Variants in ME2 observed in about 807,000 individuals in gnomAD.
ME2 encodes NAD-dependent malic enzyme, mitochondrial.
In ME2, 60 loss-of-function variants were observed where a neutral mutation model predicts 73.7. That is an observed-to-expected ratio of 0.81 (90% CI 0.66 to 1.01). ME2 has a LOEUF of 1.01. Ranked by LOEUF, ME2 falls within the 50% of genes least tolerant of loss-of-function variation. ME2 has a pLI of 0.00. For synonymous variants in ME2, 199 were observed against 236.9 expected (o/e 0.84, Z 1.47); for missense variants, 594 against 705.5 (o/e 0.84, Z 1.79).
intron 15 of ME2, 93 bp downstream of exon 15, chr18:50,940,479 G>A: frequency 1.1e-6 from 1 of 878,736 alleles, no homozygotes; most frequent in Non-Finnish European, 1.8e-6. Context: ...GAAACATTTA[G>A]AAGGCTGCAA....
At chr18:50,879,855 A>G (rs1279288832) in intron 1 of ME2, among the ~76,000 whole-genome samples, 1 of 152,130 alleles carries the variant, frequency 6.6e-6, no homozygotes, top group Non-Finnish European at 1.5e-5. Context: ...GTGGACCGGG[A>G]TTGGCAGGTG....
chr18:50,908,254 G>T, intron 3 of ME2, 58 bp downstream of exon 3: 2 of 1,277,534 alleles, frequency 1.6e-6, no homozygotes, highest in Non-Finnish European at 2.1e-6. Context: ...AAACTTATGA[G>T]CATTATGGTT....
Position 50,947,350 on chromosome 18 carries a change from TTGATTGATTGCATTGCCCACCAGC to T in ME2, c.*167_*190del. ...CTCCACATCTGTTGGGGTAGACGTG[TTGATTGATTGCATTGCCCACCAGC>T]ACCCTACAGTCAGATAGTTGTGATG... On this transcript the variant is annotated 3_prime_UTR_variant, in exon 16 of 16. Coordinates refer to ENST00000321341, the MANE Select transcript of ME2 (RefSeq NM_002396.5). 4.8e-6 allele frequency: 3 copies of T among 625,366 alleles called. No individual in the cohort carries two copies. Among genetic ancestry groups the T allele is most frequent in the Non-Finnish European group, 5.5e-6 (2 of 363,614 alleles). The allele number at this position is 625,366 out of a possible 1,614,324, so 38.7% of individuals were successfully genotyped here.
chr18:50,888,330 G>A (rs1456685518), intron 1 of ME2, among the ~76,000 whole-genome samples: 1 of 130,976 alleles, frequency 7.6e-6, no homozygotes. Context: ...AGGCAACAGA[G>A]CAAGACCCTG....
intron 15 of ME2, among the ~76,000 whole-genome samples, chr18:50,941,894 CATT>C (rs1411875392): frequency 2.0e-5 from 3 of 151,394 alleles, no homozygotes; most frequent in Non-Finnish European, 4.4e-5. Flanking sequence ...AATTGTTTCT[CATT>C]ATTAAGGCAT....
intron 12 of ME2, among the ~76,000 whole-genome samples, chr18:50,928,816 G>C (rs1599117307): frequency 6.6e-6 from 1 of 152,012 alleles, no homozygotes; most frequent in East Asian, 1.9e-4. Context: ...TTTCCTCTCT[G>C]TCATCATGAG....
chr18:50,893,150 A>AG (rs1916648837), intron 1 of ME2, among the ~76,000 whole-genome samples: 3 of 131,534 alleles, frequency 2.3e-5, no homozygotes, highest in African/African-American at 7.9e-5. Context: ...AAAAAAAAAA[A>AG]AACACCTTTA....
At chr18:50,901,462 A>G (rs1173517052) in intron 2 of ME2, among the ~76,000 whole-genome samples, 1 of 152,222 alleles carries the variant, frequency 6.6e-6, no homozygotes, top group Non-Finnish European at 1.5e-5. Flanking sequence ...GTACCAGAAA[A>G]TAAATATTTG....
rs1180822125 is a variant in ME2, at chr18:50,921,112, G to T, written c.981G>T (p.Met327Ile). ...LGIANLIVMS[M>I]VENGLSEQEA... ...TTGCAAATCTTATAGTTATGTCTAT[G>T]GTAGAAAATGGCCTGTCAGAACAAG... is the stretch of plus-strand genomic sequence containing the variant. The change falls in exon 10 of 16, where the codon ATG becomes ATT. Residue 327 changes from methionine (M) to isoleucine (I), a missense_variant. Coordinates refer to ENST00000321341, the MANE Select transcript of ME2 (RefSeq NM_002396.5). 6.3e-7 allele frequency: 1 copy of T among 1,599,482 alleles called. No homozygotes were observed. The highest frequency in any genetic ancestry group is 2.3e-5 in the East Asian group (1 of 44,124).
intron 7 of ME2, among the ~76,000 whole-genome samples, chr18:50,920,025 G>A (rs537316738): frequency 9.0e-4 from 137 of 152,124 alleles, no homozygotes; most frequent in African/African-American, 3.2e-3. Flanking sequence ...TCACCTAGAC[G>A]ATTAACATCT....
chr18:50,947,349 G>A lies in ME2; in HGVS notation c.*165G>A. On this transcript the variant is annotated 3_prime_UTR_variant, in exon 16 of 16. Transcript: ENST00000321341. ...TCTCCACATCTGTTGGGGTAGACGT[G>A]TTGATTGATTGCATTGCCCACCAGC... The A allele has an allele frequency of 1.6e-6, 1 of 631,408 alleles. No homozygotes were observed. The highest frequency in any genetic ancestry group is 2.7e-6 in the Non-Finnish European group (1 of 369,116). The allele number at this position is 631,408 out of a possible 1,614,324, so 39.1% of individuals were successfully genotyped here.
rs1182196966 is a variant in ME2 at position 50,950,467 on chromosome 18, C to CTTTTTTTTTTTTTTT, written c.*3297_*3311dup. Reference sequence around the variant, plus strand: ...GCCTGGGGTGGGGCCTCAGATTCTGCTTTTTTTTTTTTTTTTTTTTTTTTT... The same window carrying CTTTTTTTTTTTTTTT: ...GCCTGGGGTGGGGCCTCAGATTCTGCTTTTTTTTTTTTTTTTTTTTTTTTTTTTTTTTTTTTTTTT... On this transcript the variant is annotated 3_prime_UTR_variant, in exon 16 of 16. Transcript: ENST00000321341. The CTTTTTTTTTTTTTTT allele has an allele frequency of 3.1e-4, 14 of 45,074 alleles. No individual in the cohort carries two copies. The highest frequency in any genetic ancestry group is 1.2e-3 in the African/African-American group (14 of 11,286). 2.8% of individuals were successfully genotyped at this position (45,074 alleles called of 1,614,324 possible). A position where few individuals can be genotyped will look rare whatever the true frequency, so the allele number is the denominator to read the frequency against.
intron 1 of ME2, among the ~76,000 whole-genome samples, chr18:50,892,708 C>T (rs1916634696): frequency 6.6e-6 from 1 of 152,010 alleles, no homozygotes; most frequent in Non-Finnish European, 1.5e-5. Context: ...CTCAGATTTT[C>T]TAGGTGGCAG....
intron 15 of ME2, among the ~76,000 whole-genome samples, chr18:50,941,877 T>C (rs2144271030): frequency 6.6e-6 from 1 of 152,034 alleles, no homozygotes; most frequent in Non-Finnish European, 1.5e-5. Flanking sequence ...GCATATTTAA[T>C]AGGTAAAATT....
intron 1 of ME2, among the ~76,000 whole-genome samples, chr18:50,881,620 A>G (rs1456050420): frequency 1.3e-5 from 2 of 152,234 alleles, no homozygotes; most frequent in African/African-American, 4.8e-5. Context: ...TATACCATCC[A>G]GATTCTCATT....
chr18:50,908,956 CTTTT>C (rs71171364), intron 3 of ME2, among the ~76,000 whole-genome samples: 5 of 127,364 alleles, frequency 3.9e-5, no homozygotes, highest in Non-Finnish European at 3.3e-5. Context: ...CTTTTCTTTT[CTTTT>C]TTTTTTTTTT....
chr18:50,924,421 C>T (rs191655689), intron 11 of ME2, among the ~76,000 whole-genome samples: 98 of 152,170 alleles, frequency 6.4e-4, no homozygotes, highest in African/African-American at 2.2e-3. Context: ...ACTGTGTAGT[C>T]GATCATGATT....
chr18:50,884,967 A>G (rs1209094132), intron 1 of ME2, among the ~76,000 whole-genome samples: 1 of 151,118 alleles, frequency 6.6e-6, no homozygotes, highest in Admixed American at 6.6e-5. Context: ...CAATTCTCCC[A>G]CCTCAGTCTC....
At chr18:50,927,196 T>C (rs1472181659) in intron 12 of ME2, among the ~76,000 whole-genome samples, 1 of 152,200 alleles carries the variant, frequency 6.6e-6, no homozygotes, top group East Asian at 1.9e-4. Flanking sequence ...ACTTTCTATA[T>C]TGTTGTGGTA....
Sources: gnomAD v4.1 joint callset for allele counts (sites outside exome capture counted in the v4.1 genomes callset) on GRCh38, gnomAD v4.1.1 for gene constraint, MANE v1.5 for transcripts, NCBI Gene and HGNC (gene_info 2026-07-23, HGNC 2026-07-21) for gene names.